The following WFDC9 variants were observed in gnomAD, a reference collection of about 807,000 sequenced individuals.
WFDC9 encodes protein WFDC9.
In WFDC9, 9 loss-of-function variants were observed where a neutral mutation model predicts 9.5. The ratio of observed to expected loss-of-function variants is 0.95; its 90% CI spans 0.57 to 1.65. The LOEUF is 1.65. WFDC9 is among the 40% of genes most tolerant of loss of function. The pLI is 0.00. For missense variants in WFDC9, 87 were observed against 106.7 expected, an observed-to-expected ratio of 0.82 and a Z score of 0.81; for synonymous variants, 33 against 32.3, an observed-to-expected ratio of 1.02 and a Z score of -0.07.
chr20:45,630,400 A>T (rs1479313348), intron 1 of WFDC9, among the ~76,000 whole-genome samples: 1 of 152,098 alleles, frequency 6.6e-6, no homozygotes, highest in Non-Finnish European at 1.5e-5. Context: ...AAAGGGAACT[A>T]AAGAAGGGGC....
chr20:45,630,331 T>C (rs1476246526), intron 1 of WFDC9, among the ~76,000 whole-genome samples: 1 of 151,060 alleles, frequency 6.6e-6, no homozygotes, highest in Non-Finnish European at 1.5e-5. Context: ...CAAGCAAAAG[T>C]TGGGGTACAC....
At chr20:45,616,300 T>G (rs1351410352) in intron 1 of WFDC9, among the ~76,000 whole-genome samples, 4 of 152,208 alleles carry the variant, frequency 2.6e-5, no homozygotes, top group Non-Finnish European at 1.5e-5. Context: ...CTTTCTTTGC[T>G]CATCTATAAG....
chr20:45,608,707 A>G lies in WFDC9; in HGVS notation c.195T>C (p.His65=). The stretch of plus-strand genomic sequence containing the variant: ...TTCCACAGTAGGTCCAGCAGCATGT[A>G]TGATTTGGACGTACACAAGTCATTA... ...TKIMTCVRPN[H]TCCWTYCGNI... The change falls in exon 4 of 5, where the codon CAT becomes CAC. Residue 65 remains histidine, a synonymous_variant. Transcript: ENST00000326000. 3 of 1,614,080 alleles carry G rather than the reference A, an allele frequency of 1.9e-6. No individual in the cohort carries two copies. In the Middle Eastern group the frequency reaches 5.0e-4, roughly 266 times the overall value.
intron 1 of WFDC9, among the ~76,000 whole-genome samples, chr20:45,616,056 CA>C (rs1478328612): frequency 6.6e-6 from 1 of 152,044 alleles, no homozygotes; most frequent in East Asian, 1.9e-4. Context: ...AAAATAAGAA[CA>C]ATGATGTTTG....
chr20:45,615,502 G>A (rs1164703845), intron 1 of WFDC9, among the ~76,000 whole-genome samples: 1 of 152,160 alleles, frequency 6.6e-6, no homozygotes, highest in Non-Finnish European at 1.5e-5. Flanking sequence ...CGGAGATATT[G>A]CAGGTTCAGT....
chr20:45,616,252 G>A (rs145452898), intron 1 of WFDC9, among the ~76,000 whole-genome samples: 78 of 152,292 alleles, frequency 5.1e-4, no homozygotes, highest in Non-Finnish European at 9.1e-4. Flanking sequence ...AATGTTCACA[G>A]CATCTTCACC....
chr20:45,622,434 A>G (rs530390992), intron 1 of WFDC9, among the ~76,000 whole-genome samples: 25 of 152,318 alleles, frequency 1.6e-4, no homozygotes, highest in Non-Finnish European at 2.5e-4. Flanking sequence ...TTGTTTCATT[A>G]AATATTTTTT....
At chr20:45,629,782 C>A (rs773832398) in intron 1 of WFDC9, 28 of 1,606,430 alleles carry the variant, frequency 1.7e-5, no homozygotes, top group Admixed American at 8.5e-5. Flanking sequence ...GACAACCTGG[C>A]CAGACATAGG....
chr20:45,623,393 A>G (rs1982143884), intron 1 of WFDC9, among the ~76,000 whole-genome samples: 1 of 152,000 alleles, frequency 6.6e-6, no homozygotes, highest in African/African-American at 2.4e-5. Flanking sequence ...TAATCCTAAC[A>G]CTTTGGGAGG....
chr20:45,608,987 T>C (rs1311736676), intron 3 of WFDC9, among the ~76,000 whole-genome samples, 177 bp from the exon 4 acceptor site: 1 of 152,182 alleles, frequency 6.6e-6, no homozygotes, highest in Non-Finnish European at 1.5e-5. Context: ...CATCCTTGCA[T>C]GGCCTGTGTT....
chr20:45,624,353 T>G (rs1982169941), intron 1 of WFDC9, among the ~76,000 whole-genome samples: 1 of 152,212 alleles, frequency 6.6e-6, no homozygotes, highest in Admixed American at 6.5e-5. Flanking sequence ...TCACAGAACA[T>G]AATGTCCTCC....
At chr20:45,610,286 G>T in intron 2 of WFDC9, 47 bp from the exon 3 acceptor site, 1 of 925,384 alleles carries the variant, frequency 1.1e-6, no homozygotes, top group Non-Finnish European at 1.7e-6. Context: ...TAAGCAACAG[G>T]GGTAAAGTGC....
Position 45,614,612 on chromosome 20 carries a change from C to A in WFDC9, c.-59+16G>T, listed in dbSNP as rs757488781. 1.3e-5 allele frequency: 2 copies of A among 152,134 alleles called. No homozygotes were observed. Among genetic ancestry groups the A allele is most frequent in the Non-Finnish European group, 2.9e-5 (2 of 68,018 alleles). 9.4% of individuals were successfully genotyped at this position (152,134 alleles called of 1,614,324 possible). On this transcript the variant is annotated intron_variant, in intron 2 of 4. Coordinates refer to ENST00000326000, the MANE Select transcript of WFDC9 (RefSeq NM_147198.4). ...CAAATAGAAGCTCATGTCTCAAGAC[C>A]TTTATCCCCACCTACCTCTGAAGGT... is the stretch of plus-strand genomic sequence containing the variant.
chr20:45,614,920 T>C (rs1474456495), intron 1 of WFDC9, among the ~76,000 whole-genome samples, 199 bp from the exon 2 acceptor site: 1 of 152,152 alleles, frequency 6.6e-6, no homozygotes, highest in African/African-American at 2.4e-5. Context: ...GGAAGAACAT[T>C]GTGTACCTGG....
intron 1 of WFDC9, among the ~76,000 whole-genome samples, chr20:45,616,128 T>C (rs78720143): frequency 6.6e-6 from 1 of 152,210 alleles, no homozygotes; most frequent in South Asian, 2.1e-4. Flanking sequence ...CGCTGCTTGA[T>C]AGCATTTTAT....
intron 3 of WFDC9, among the ~76,000 whole-genome samples, chr20:45,609,768 C>T (rs556666883): frequency 3.9e-5 from 6 of 152,230 alleles, no homozygotes; most frequent in Middle Eastern, 3.4e-3. Context: ...CCAACTGAGG[C>T]ACAAAGGTTC....
At chr20:45,620,005 C>T (rs893969974) in intron 1 of WFDC9, among the ~76,000 whole-genome samples, 1 of 151,720 alleles carries the variant, frequency 6.6e-6, no homozygotes, top group East Asian at 1.9e-4. Flanking sequence ...TAGCCTGGGT[C>T]ACAGAGCGAG....
intron 1 of WFDC9, among the ~76,000 whole-genome samples, chr20:45,621,335 A>G (rs965424229): frequency 3.9e-5 from 6 of 152,166 alleles, no homozygotes; most frequent in African/African-American, 1.4e-4. Context: ...CTCTTATTCT[A>G]TCTCTTCCTT....
intron 2 of WFDC9, among the ~76,000 whole-genome samples, chr20:45,612,130 T>C (rs1387802873): frequency 4.6e-5 from 7 of 152,208 alleles, no homozygotes; most frequent in Admixed American, 4.6e-4. Context: ...ACCTGGAATA[T>C]AGTATATACT....
Sources: allele counts gnomAD v4.1 joint callset (sites outside exome capture counted in the v4.1 genomes callset), GRCh38; gene constraint gnomAD v4.1.1; transcripts MANE v1.5; gene names NCBI Gene and HGNC (gene_info 2026-07-23, HGNC 2026-07-21).